The following KAT14 variants were observed in gnomAD, a reference collection of about 807,000 sequenced individuals.
The protein encoded by KAT14 is cysteine-rich protein 2-binding protein.
A neutral mutation model predicts 78.4 loss-of-function variants in KAT14; 66 were observed. That is an observed-to-expected ratio of 0.84 (90% CI 0.69 to 1.03). The LOEUF is 1.03. KAT14 is among the 50% of genes least tolerant of loss of function. KAT14 has a pLI of 0.00. For synonymous variants in KAT14, 344 were observed against 359.4 expected, an observed-to-expected ratio of 0.96 and a Z score of 0.48; for missense variants, 870 against 972.5, an observed-to-expected ratio of 0.89 and a Z score of 1.40.
At chr20:18,160,456 T>C (rs1303921732) in intron 5 of KAT14, among the ~76,000 whole-genome samples, 1 of 152,218 alleles carries the variant, frequency 6.6e-6, no homozygotes, top group Non-Finnish European at 1.5e-5. Flanking sequence ...GTCTTGGACA[T>C]CTTTCCATGA....
At chr20:18,173,627 T>C (rs1295090367) in intron 7 of KAT14, among the ~76,000 whole-genome samples, 2 of 19,936 alleles carry the variant, frequency 1.0e-4, no homozygotes, top group Non-Finnish European at 3.0e-4. Context: ...CATTACTTCT[T>C]TTTTTTTTTT....
At chr20:18,141,622 C>T (rs774631361) in intron 1 of KAT14, among the ~76,000 whole-genome samples, 18 of 152,180 alleles carry the variant, frequency 1.2e-4, no homozygotes, top group African/African-American at 1.7e-4. Flanking sequence ...CAGTGGCTCA[C>T]GCCTGTAATC....
chr20:18,166,335 G>C (rs146728485), intron 7 of KAT14, among the ~76,000 whole-genome samples: 1 of 152,316 alleles, frequency 6.6e-6, no homozygotes, highest in East Asian at 1.9e-4. Context: ...TCCTAAATAG[G>C]TAAGTGCAGG....
At chr20:18,183,820 T>A (rs999207511) in intron 9 of KAT14, among the ~76,000 whole-genome samples, 1 of 152,210 alleles carries the variant, frequency 6.6e-6, no homozygotes, top group Non-Finnish European at 1.5e-5. Context: ...CCAAAGTCAT[T>A]AATTAAAGGA....
chr20:18,165,299 T>C (rs1465436704), intron 7 of KAT14, among the ~76,000 whole-genome samples: 6 of 152,238 alleles, frequency 3.9e-5, no homozygotes, highest in Non-Finnish European at 8.8e-5. Flanking sequence ...CTGGAGAAGA[T>C]AAGCTAAATA....
chr20:18,183,381 C>G, intron 9 of KAT14, 83 bp downstream of exon 9: 1 of 1,431,594 alleles, frequency 7.0e-7, no homozygotes. Context: ...TATGTGATAT[C>G]CTTAAGATTT....
At chr20:18,171,033 A>T (rs1227830587) in intron 7 of KAT14, among the ~76,000 whole-genome samples, 1 of 152,240 alleles carries the variant, frequency 6.6e-6, no homozygotes, top group East Asian at 1.9e-4. Flanking sequence ...TATTGCTATC[A>T]TAGATAGTGA....
Position 18,142,373 on chromosome 20 carries a change from T to G in KAT14, c.-288T>G, listed in dbSNP as rs1407474355. On this transcript the variant is annotated 5_prime_UTR_variant, in exon 2 of 11. Transcript: ENST00000688188. ...AAAATCATGACTTGAATGTGAAATATCTGTTGGACAGACAACACGAGTTTG... is the reference window on the plus strand; with the variant it reads ...AAAATCATGACTTGAATGTGAAATAGCTGTTGGACAGACAACACGAGTTTG... The G allele has an allele frequency of 1.3e-6, 2 of 1,533,720 alleles. No homozygotes were observed. Among genetic ancestry groups the G allele is most frequent in the Non-Finnish European group, 1.7e-6 (2 of 1,144,254 alleles).
Position 18,145,269 on chromosome 20 carries a change from A to G in KAT14, c.296A>G (p.Asp99Gly), listed in dbSNP as rs753371328. The change falls in exon 3 of 11, where the codon GAT becomes GGT. Residue 99 changes from aspartate to glycine, a missense_variant. Asp to Gly is a moderately conservative substitution (Grantham distance 94). Coordinates refer to ENST00000688188, the MANE Select transcript of KAT14 (RefSeq NM_001392073.1). ...GAACAGCTCAGTTACCTTAAGGGTG[A>G]TAATTTTTTTAGGTTTACTTGTTCG... is the stretch of plus-strand genomic sequence containing the variant. ...LREQLSYLKG[D>G]NFFRFTCSDC... 2 of 1,614,218 alleles carry G rather than the reference A, an allele frequency of 1.2e-6. No individual in the cohort carries two copies. Among genetic ancestry groups the G allele is most frequent in the Admixed American group, 1.7e-5 (1 of 60,018 alleles).
chr20:18,184,925 AG>A, intron 10 of KAT14, 133 bp downstream of exon 10: 3 of 954,004 alleles, frequency 3.1e-6, no homozygotes, highest in East Asian at 3.0e-5. Context: ...AAGTGAAGAA[AG>A]CCAGTCATCA....
intron 3 of KAT14, among the ~76,000 whole-genome samples, chr20:18,148,650 C>G (rs1412203253): frequency 6.7e-6 from 1 of 149,806 alleles, no homozygotes; most frequent in Non-Finnish European, 1.5e-5. Flanking sequence ...ACTCTTGTTG[C>G]CCAGGCTGGA....
At position 18,183,220 on chromosome 20, in the gene KAT14, G is replaced by C. The variant is rs746718890; in HGVS notation, c.1903G>C (p.Ala635Pro). Reference sequence around the variant, plus strand: ...CCCTCACTGGACGCCGGAGCCCGACGCACCTCTCGATTACTGTTATGTGCG... The same window carrying C: ...CCCTCACTGGACGCCGGAGCCCGACCCACCTCTCGATTACTGTTATGTGCG... Reference protein sequence around the residue: ...SDPHWTPEPDAPLDYCYVRPN... With the variant: ...SDPHWTPEPDPPLDYCYVRPN... Residue 635 changes from alanine to proline, a missense_variant, in exon 9 of 11, where the codon GCA becomes CCA. Coordinates refer to ENST00000688188, the MANE Select transcript of KAT14 (RefSeq NM_001392073.1). The C allele has an allele frequency of 1.2e-6, 2 of 1,614,018 alleles. No individual in the cohort carries two copies. Among genetic ancestry groups the C allele is most frequent in the South Asian group, 2.2e-5 (2 of 91,062 alleles).
intron 4 of KAT14, among the ~76,000 whole-genome samples, chr20:18,156,887 G>A (rs1166913508): frequency 6.6e-6 from 1 of 152,100 alleles, no homozygotes; most frequent in Non-Finnish European, 1.5e-5. Context: ...ACAAGTACTG[G>A]GACTTCCAAC....
At chr20:18,151,696 CTTTTT>C (rs987307931) in intron 4 of KAT14, among the ~76,000 whole-genome samples, 5 of 151,512 alleles carry the variant, frequency 3.3e-5, no homozygotes, top group Non-Finnish European at 7.4e-5. Context: ...AATATTTTTA[CTTTTT>C]TAAGATTAAA....
chr20:18,138,585 C>T (rs944140486), intron 1 of KAT14: 1 of 423,278 alleles, frequency 2.4e-6, no homozygotes, highest in Admixed American at 6.4e-5. Context: ...CGTACTCACT[C>T]TCCATGCCTT....
At chr20:18,139,308 C>T (rs1388401270) in intron 1 of KAT14, among the ~76,000 whole-genome samples, 2 of 152,184 alleles carry the variant, frequency 1.3e-5, no homozygotes, top group Non-Finnish European at 2.9e-5. Flanking sequence ...GATGTTGATC[C>T]TGGGAAAACT....
chr20:18,150,753 T>A, intron 3 of KAT14, 68 bp from the exon 4 acceptor site: 2 of 1,601,422 alleles, frequency 1.2e-6, no homozygotes, highest in South Asian at 2.2e-5. Flanking sequence ...AGAAGAAGCT[T>A]TTCCCCCCTC....
chr20:18,170,730 G>T (rs2038814781), intron 7 of KAT14, among the ~76,000 whole-genome samples: 1 of 152,118 alleles, frequency 6.6e-6, no homozygotes, highest in Non-Finnish European at 1.5e-5. Flanking sequence ...GTAGAGACGG[G>T]ATTTCACCGT....
At chr20:18,181,112 T>C (rs6075292) in intron 7 of KAT14, among the ~76,000 whole-genome samples, 46,101 of 152,050 alleles carry the variant, frequency 0.3, 8,060 homozygotes, top group Non-Finnish European at 0.41. Context: ...AAATCCAGTG[T>C]TCAATCCTGC....
Sources: allele counts gnomAD v4.1 joint callset (sites outside exome capture counted in the v4.1 genomes callset), GRCh38; gene constraint gnomAD v4.1.1; transcripts MANE v1.5; gene names NCBI Gene and HGNC (gene_info 2026-07-23, HGNC 2026-07-21).